Variants in TNIK observed in about 807,000 individuals in gnomAD.
The protein encoded by TNIK is TRAF2 and NCK-interacting protein kinase.
A neutral mutation model predicts 191.3 loss-of-function variants in TNIK; 49 were observed. The ratio of observed to expected loss-of-function variants is 0.26; its 90% CI spans 0.20 to 0.32. The LOEUF (loss-of-function observed/expected upper bound fraction) is 0.32, where lower values mean the gene tolerates loss of function less well. Among genes scored for constraint, TNIK ranks in the 10% least tolerant of loss-of-function variants. The probability of loss-of-function intolerance (pLI) is 1.00; values close to 1 mark genes in which losing one functional copy is unlikely to be tolerated. For missense variants in TNIK, 1,155 were observed against 1,702.3 expected (o/e 0.68, Z 5.66); for synonymous variants, 594 against 600.9 (o/e 0.99, Z 0.17).
chr3:171,136,762 C>T (rs1302459417), intron 15 of TNIK, among the ~76,000 whole-genome samples: 1 of 152,176 alleles, frequency 6.6e-6, no homozygotes, highest in Admixed American at 6.5e-5. Context: ...TGGTGCATGC[C>T]TGCCAGCCAA....
chr3:171,217,288 A>G (rs999141342), intron 3 of TNIK, among the ~76,000 whole-genome samples: 1 of 152,148 alleles, frequency 6.6e-6, no homozygotes, highest in Non-Finnish European at 1.5e-5. Flanking sequence ...TAAAGAAATT[A>G]ATGCAAAAAC....
At chr3:171,274,785 A>G (rs1018866365) in intron 2 of TNIK, among the ~76,000 whole-genome samples, 5 of 152,198 alleles carry the variant, frequency 3.3e-5, no homozygotes, top group Non-Finnish European at 7.3e-5. Context: ...TTAAAATGGC[A>G]TAATATCCTG....
At chr3:171,443,274 C>A (rs1475514165) in intron 1 of TNIK, among the ~76,000 whole-genome samples, 4 of 152,194 alleles carry the variant, frequency 2.6e-5, no homozygotes, top group Non-Finnish European at 4.4e-5. Context: ...CTCTGAAAGT[C>A]TTGGAGCTCA....
Position 171,253,593 on chromosome 3 carries a change from C to CA in TNIK, c.124-25373_124-25372insT, listed in dbSNP as rs1746511735. Reference sequence around the variant, plus strand: ...GAAAAGAAATCAGAAGACAGGTCCCCCCCCCACCCCACCCCCAGTTATCTC... The same window carrying CA: ...GAAAAGAAATCAGAAGACAGGTCCCCACCCCCACCCCACCCCCAGTTATCTC... On this transcript the variant is annotated intron_variant, in intron 2 of 32. Transcript: ENST00000436636. 3.0e-5 allele frequency among the ~76,000 whole-genome samples: 4 copies of CA among 135,212 alleles called. 1 individual carries two copies. Among genetic ancestry groups the CA allele is most frequent in the African/African-American group, 5.3e-5 (2 of 37,810 alleles). 88.7% of individuals were successfully genotyped at this position (135,212 alleles called of 152,430 possible).
chr3:171,417,664 A>G (rs1723263503), intron 1 of TNIK, among the ~76,000 whole-genome samples: 1 of 152,190 alleles, frequency 6.6e-6, no homozygotes, highest in African/African-American at 2.4e-5. Flanking sequence ...TGAGACAGTC[A>G]CATTCTACTT....
At chr3:171,089,681 G>A (rs1334850021) in intron 23 of TNIK, among the ~76,000 whole-genome samples, 2 of 152,254 alleles carry the variant, frequency 1.3e-5, no homozygotes, top group African/African-American at 4.8e-5. Context: ...CTTTCTGTGT[G>A]CCAAGTACTG....
chr3:171,311,272 G>A (rs765016000), intron 2 of TNIK, among the ~76,000 whole-genome samples: 14 of 151,242 alleles, frequency 9.3e-5, no homozygotes, highest in African/African-American at 1.7e-4. Flanking sequence ...AGTTTTGCGC[G>A]AAGTATTTGT....
chr3:171,150,723 G>A (rs1226982746), intron 12 of TNIK, among the ~76,000 whole-genome samples: 5 of 152,150 alleles, frequency 3.3e-5, no homozygotes, highest in Non-Finnish European at 7.3e-5. Context: ...ATCCGCAAAA[G>A]GACAAAGAAT....
rs150059203 is a variant in TNIK, at chr3:171,414,672, T to C, written c.58-44987A>G. Among the ~76,000 whole-genome samples, 80 of 152,360 alleles carry C rather than the reference T, an allele frequency of 5.3e-4. 1 individual carries two copies. In the East Asian group the frequency reaches 0.013, roughly 25 times the overall value. Reference sequence around the variant, plus strand: ...CCAACTCCTACTTCAGTGTTCATTTTATGGCACCACAGGATTTAAAACTAT... The same window carrying C: ...CCAACTCCTACTTCAGTGTTCATTTCATGGCACCACAGGATTTAAAACTAT... On this transcript the variant is annotated intron_variant, in intron 1 of 32. Transcript: ENST00000436636.
At chr3:171,267,586 C>T (rs1160421456) in intron 2 of TNIK, among the ~76,000 whole-genome samples, 1 of 152,170 alleles carries the variant, frequency 6.6e-6, no homozygotes, top group Admixed American at 6.5e-5. Flanking sequence ...GCTTTGTCCT[C>T]ATCTTTCTGA....
chr3:171,333,164 G>A (rs1477846972), intron 2 of TNIK, among the ~76,000 whole-genome samples: 11 of 152,008 alleles, frequency 7.2e-5, no homozygotes, highest in Non-Finnish European at 1.5e-5. Flanking sequence ...GGGGGTGGGA[G>A]GGAGTGTGTG....
chr3:171,196,167 G>A (rs1738645599), intron 4 of TNIK, among the ~76,000 whole-genome samples: 1 of 151,972 alleles, frequency 6.6e-6, no homozygotes, highest in Non-Finnish European at 1.5e-5. Context: ...TCTTACCACT[G>A]GGTAGTTGAA....
intron 1 of TNIK, among the ~76,000 whole-genome samples, chr3:171,381,366 C>T (rs1718004611): frequency 6.6e-6 from 1 of 152,152 alleles, no homozygotes; most frequent in Non-Finnish European, 1.5e-5. Flanking sequence ...TGTTAATGTA[C>T]CCTGTGAATC....
chr3:171,128,503 T>C (rs1404345803), intron 16 of TNIK, among the ~76,000 whole-genome samples: 1 of 152,194 alleles, frequency 6.6e-6, no homozygotes, highest in African/African-American at 2.4e-5. Context: ...AGTTTGTGGT[T>C]GACTCAAGTT....
intron 4 of TNIK, among the ~76,000 whole-genome samples, chr3:171,202,451 T>C (rs1739532881): frequency 6.6e-6 from 1 of 152,148 alleles, no homozygotes; most frequent in Non-Finnish European, 1.5e-5. Flanking sequence ...GCTGAAGATT[T>C]TGAGAAACAC....
At chr3:171,364,030 T>C (rs1348694300) in intron 2 of TNIK, among the ~76,000 whole-genome samples, 1 of 152,196 alleles carries the variant, frequency 6.6e-6, no homozygotes, top group Non-Finnish European at 1.5e-5. Flanking sequence ...TTCACTCAAG[T>C]GACCTATAAC....
chr3:171,364,579 C>CAGACT (rs1715434313), intron 2 of TNIK, among the ~76,000 whole-genome samples: 1 of 152,198 alleles, frequency 6.6e-6, no homozygotes, highest in African/African-American at 2.4e-5. Flanking sequence ...ATGGCCTAGA[C>CAGACT]AGACTAGGTC....
chr3:171,280,284 C>T (rs1000003069), intron 2 of TNIK, among the ~76,000 whole-genome samples: 3 of 152,164 alleles, frequency 2.0e-5, no homozygotes, highest in African/African-American at 7.2e-5. Flanking sequence ...CTGCTGACCA[C>T]TGTAGATGAG....
intron 9 of TNIK, among the ~76,000 whole-genome samples, chr3:171,171,850 G>T (rs1735329048): frequency 6.6e-6 from 1 of 152,192 alleles, no homozygotes; most frequent in Non-Finnish European, 1.5e-5. Context: ...CTTTTCACTT[G>T]CTGGTGCTGA....
Sources: allele counts gnomAD v4.1 joint callset (sites outside exome capture counted in the v4.1 genomes callset), GRCh38; gene constraint gnomAD v4.1.1; transcripts MANE v1.5; gene names NCBI Gene and HGNC (gene_info 2026-07-23, HGNC 2026-07-21).